The following DSG4 variants were observed in gnomAD, a reference collection of about 807,000 sequenced individuals.
DSG4 encodes the protein desmoglein 4.
In DSG4, 87 loss-of-function variants were observed where a neutral mutation model predicts 93.1. The observed-to-expected ratio is 0.93, with a 90% CI of 0.79 to 1.12. The LOEUF is 1.12. Among genes scored for constraint, DSG4 ranks in the 50% most tolerant of loss-of-function variants. The pLI is 0.00. For synonymous variants in DSG4, 432 were observed against 452.9 expected (o/e 0.95, Z 0.59); for missense variants, 1,373 against 1,285.7 (o/e 1.07, Z -1.04).
At chr18:31,397,102 C>T (rs2072313953) in intron 8 of DSG4, among the ~76,000 whole-genome samples, 1 of 152,050 alleles carries the variant, frequency 6.6e-6, no homozygotes, top group Non-Finnish European at 1.5e-5. Context: ...AATCAGTGTC[C>T]CCACTAGAAT....
At chr18:31,377,958 C>T (rs940393037) in intron 1 of DSG4, among the ~76,000 whole-genome samples, 5 of 152,204 alleles carry the variant, frequency 3.3e-5, no homozygotes, top group African/African-American at 9.6e-5. Flanking sequence ...TTGTAAGAGA[C>T]AGAGAGTAGC....
chr18:31,393,272 G>C (rs1446821605), intron 8 of DSG4, among the ~76,000 whole-genome samples: 5 of 152,136 alleles, frequency 3.3e-5, no homozygotes, highest in Non-Finnish European at 5.9e-5. Flanking sequence ...ATTCAGTTCT[G>C]TTACTATTTT....
At chr18:31,405,962 A>G in intron 11 of DSG4, 115 bp from the exon 12 acceptor site, 1 of 1,132,016 alleles carries the variant, frequency 8.8e-7, no homozygotes, top group Non-Finnish European at 1.3e-6. Context: ...TATGACTAAG[A>G]AAGCATGAAA....
At chr18:31,392,435 A>G in intron 8 of DSG4, 95 bp downstream of exon 8, 3 of 1,326,082 alleles carry the variant, frequency 2.3e-6, no homozygotes, top group Non-Finnish European at 3.2e-6. Flanking sequence ...TTTAAAAAAA[A>G]GTACTTCATA....
chr18:31,382,854 A>G (rs1755152304), intron 1 of DSG4, among the ~76,000 whole-genome samples: 1 of 152,180 alleles, frequency 6.6e-6, no homozygotes, highest in Non-Finnish European at 1.5e-5. Flanking sequence ...CTGGCCTGAA[A>G]ATAATGAAAA....
rs1208049122 is a variant in DSG4, at chr18:31,389,023, G to A, written c.517+5G>A. 1.9e-6 allele frequency: 3 copies of A among 1,612,850 alleles called. No individual in the cohort carries two copies. The highest frequency in any genetic ancestry group is 1.7e-6 in the Non-Finnish European group (2 of 1,179,070). On this transcript the variant is annotated splice_donor_5th_base_variant and intron_variant, in intron 5 of 15. Coordinates refer to ENST00000308128, the MANE Select transcript of DSG4 (RefSeq NM_177986.5). ...TTGAAGAAAATAGTGATGCCAGTAAGTAGAATGACATTCCTTCTCTACGTC... is the reference window on the plus strand; with the variant it reads ...TTGAAGAAAATAGTGATGCCAGTAAATAGAATGACATTCCTTCTCTACGTC...
At chr18:31,406,511 A>G (rs2072429238) in intron 12 of DSG4, 138 bp downstream of exon 12, 3 of 930,772 alleles carry the variant, frequency 3.2e-6, no homozygotes, top group South Asian at 3.0e-5. Context: ...GAAATAAACA[A>G]TGGGACTGAC....
In DSG4 at chr18:31,390,900, C is replaced by G. The variant is rs546690969; in HGVS notation, c.684+78C>G. ...AAAGATAAAATGATCCATGTGTACC[C>G]TTACTCCAATATAAAGGAGGGAAGA... On this transcript the variant is annotated intron_variant, in intron 6 of 15. Coordinates refer to ENST00000308128, the MANE Select transcript of DSG4 (RefSeq NM_177986.5). 6.6e-5 allele frequency: 102 copies of G among 1,547,710 alleles called. 2 individuals are homozygous for G. The South Asian group carries it at 1.1e-3, about 17-fold the overall frequency.
At chr18:31,409,882 AG>A in intron 14 of DSG4, 74 bp downstream of exon 14, 1 of 1,526,372 alleles carries the variant, frequency 6.6e-7, no homozygotes, top group Admixed American at 1.7e-5. Context: ...TTCATGTAAA[AG>A]TACCTTATGG....
chr18:31,395,633 C>A (rs759021413), intron 8 of DSG4, among the ~76,000 whole-genome samples: 2 of 152,146 alleles, frequency 1.3e-5, no homozygotes, highest in Non-Finnish European at 1.5e-5. Context: ...ATTCGGGATA[C>A]CCCTTAACCC....
intron 3 of DSG4, 76 bp downstream of exon 3, chr18:31,386,895 G>A: frequency 6.3e-7 from 1 of 1,595,496 alleles, no homozygotes; most frequent in South Asian, 1.1e-5. Context: ...AGATTTGCAG[G>A]CTTCACTGCT....
chr18:31,379,722 T>A (rs548239658), intron 1 of DSG4, among the ~76,000 whole-genome samples: 4 of 152,228 alleles, frequency 2.6e-5, no homozygotes, highest in African/African-American at 4.8e-5. Context: ...TTTGAAAACA[T>A]ATTTAAAATT....
Position 31,413,292 on chromosome 18 carries a change from G to T in DSG4, c.2820G>T (p.Met940Ile). The T allele has an allele frequency of 6.2e-7, 1 of 1,614,118 alleles. No individual in the cohort carries two copies. Among genetic ancestry groups the T allele is most frequent in the Non-Finnish European group, 8.5e-7 (1 of 1,180,042 alleles). Residue 940 changes from methionine (M) to isoleucine (I), a missense_variant, in exon 16 of 16, where the codon ATG (methionine) becomes ATT (isoleucine). Met to Ile is a conservative substitution (Grantham distance 10). Transcript: ENST00000308128. ...ATGTTGTAGTAACCGAAGCAGTAATGGCACCTGTCTATGATATTCAAGGGA... is the reference window on the plus strand; with the variant it reads ...ATGTTGTAGTAACCGAAGCAGTAATTGCACCTGTCTATGATATTCAAGGGA... The part of the protein sequence containing the change: ...APNVVVTEAV[M>I]APVYDIQGNI...
In DSG4 at chr18:31,400,891, G is replaced by C. The variant is rs752598201; in HGVS notation, c.1288G>C (p.Gly430Arg). ...TTTATTTAAAAACAGATATATCATA[G>C]GGCATGATGCAGGCAGCTGGTTAAA... is the stretch of plus-strand genomic sequence containing the variant. ...NPATDVRYIIGHDAGSWLKID... is the reference protein window; with the variant it reads ...NPATDVRYIIRHDAGSWLKID... Residue 430 changes from glycine (G) to arginine (R), a missense_variant, in exon 10 of 16, where the codon GGG becomes CGG. Physicochemically the swap from Gly to Arg is moderately radical, Grantham distance 125. Transcript: ENST00000308128. 6.2e-7 allele frequency: 1 copy of C among 1,612,194 alleles called. No individual in the cohort carries two copies. Among genetic ancestry groups the C allele is most frequent in the East Asian group, 2.2e-5 (1 of 44,730 alleles).
At chr18:31,388,606 C>G in intron 4 of DSG4, 84 bp downstream of exon 4, 1 of 1,539,978 alleles carries the variant, frequency 6.5e-7, no homozygotes. Flanking sequence ...TAATGGATTA[C>G]TTTTGATAAA....
At position 31,391,125 on chromosome 18, in the gene DSG4, A is replaced by G; in HGVS notation, c.732A>G (p.Gly244=). 6.2e-7 allele frequency: 1 copy of G among 1,613,774 alleles called. No homozygotes were observed. The highest frequency in any genetic ancestry group is 8.5e-7 in the Non-Finnish European group (1 of 1,179,780). ...NLVVRGSDRD[G]AADGLSSECD... ...TTGTGAGAGGCTCAGATCGGGATGGAGCTGCAGATGGACTGTCTTCTGAGT... is the reference window on the plus strand; with the variant it reads ...TTGTGAGAGGCTCAGATCGGGATGGGGCTGCAGATGGACTGTCTTCTGAGT... The change falls in exon 7 of 16, where the codon GGA becomes GGG. Residue 244 remains glycine, a synonymous_variant. Transcript: ENST00000308128.
chr18:31,390,563 A>C, intron 5 of DSG4, 93 bp from the exon 6 acceptor site: 1 of 1,466,374 alleles, frequency 6.8e-7, no homozygotes. Context: ...AGAATTCAGG[A>C]GAAGGCCAAC....
rs9945567 is a variant in DSG4, at chr18:31,403,537, C to T, written c.1539C>T (p.Ile513=). ...TICIDSPSVL[I]SVNEHSYGSP... is the part of the protein sequence containing the mutation. ...GCATTGACTCTCCATCAGTCCTTAT[C>T]TCTGTTAATGAACATTCTTATGGGT... Residue 513 remains isoleucine, a synonymous_variant, in exon 11 of 16, where the codon ATC becomes ATT. Transcript: ENST00000308128. 3,575 of 1,614,042 alleles carry T rather than the reference C, an allele frequency of 2.2e-3. 81 individuals carry two copies. The African/African-American group carries it at 0.042, about 19-fold the overall frequency.
At chr18:31,394,088 G>T (rs2072278270) in intron 8 of DSG4, among the ~76,000 whole-genome samples, 1 of 152,078 alleles carries the variant, frequency 6.6e-6, no homozygotes, top group Admixed American at 6.5e-5. Context: ...AGTTTTATTG[G>T]AATACAACCA....
Sources: gnomAD v4.1 joint callset for allele counts (sites outside exome capture counted in the v4.1 genomes callset) on GRCh38, gnomAD v4.1.1 for gene constraint, MANE v1.5 for transcripts, NCBI Gene and HGNC (gene_info 2026-07-23, HGNC 2026-07-21) for gene names.